The following PTPRN2 variants were observed in gnomAD, a reference collection of about 807,000 sequenced individuals.
PTPRN2 encodes receptor-type tyrosine-protein phosphatase N2.
Under a neutral mutation model 118.8 loss-of-function variants are expected in PTPRN2, and 74 were observed. That is an observed-to-expected ratio of 0.62 (90% CI 0.52 to 0.76). The LOEUF is 0.76. PTPRN2 is among the 30% of genes least tolerant of loss of function. The pLI is 0.00. For synonymous variants in PTPRN2, 641 were observed against 608.0 expected, an observed-to-expected ratio of 1.05 and a Z score of -0.80; for missense variants, 1,481 against 1,394.4, an observed-to-expected ratio of 1.06 and a Z score of -0.99.
chr7:157,687,205 T>A (rs969128628), intron 12 of PTPRN2, among the ~76,000 whole-genome samples: 1 of 152,126 alleles, frequency 6.6e-6, no homozygotes, highest in African/African-American at 2.4e-5. Flanking sequence ...TACGGGAAAA[T>A]GCCTTCAGAA....
intron 5 of PTPRN2, among the ~76,000 whole-genome samples, chr7:158,186,316 T>TG (rs1249029453): frequency 9.2e-5 from 14 of 151,736 alleles, no homozygotes; most frequent in African/African-American, 3.4e-4. Context: ...AGATTTCTCC[T>TG]GGGGCTCACT....
intron 3 of PTPRN2, among the ~76,000 whole-genome samples, chr7:158,300,210 T>C (rs1205032467): frequency 6.6e-6 from 1 of 152,072 alleles, no homozygotes; most frequent in Non-Finnish European, 1.5e-5. Flanking sequence ...GCGGAAATGA[T>C]TGTAATTATG....
At chr7:158,337,198 A>C (rs1311631943) in intron 2 of PTPRN2, among the ~76,000 whole-genome samples, 1 of 152,146 alleles carries the variant, frequency 6.6e-6, no homozygotes, top group East Asian at 1.9e-4. Context: ...CACTCTCACC[A>C]TAAGAGGTGA....
intron 12 of PTPRN2, among the ~76,000 whole-genome samples, chr7:157,818,518 G>C (rs1023929177): frequency 1.3e-5 from 2 of 152,104 alleles, no homozygotes; most frequent in Non-Finnish European, 2.9e-5. Flanking sequence ...GACGTCTCAA[G>C]AGAGGGCGTG....
chr7:157,602,135 C>T (rs918744870), intron 16 of PTPRN2, among the ~76,000 whole-genome samples: 2 of 152,232 alleles, frequency 1.3e-5, no homozygotes, highest in African/African-American at 4.8e-5. Context: ...TCAACCTCTG[C>T]TGGAAGGAAG....
intron 10 of PTPRN2, among the ~76,000 whole-genome samples, chr7:158,101,128 T>G (rs962219218): frequency 2.0e-5 from 3 of 152,102 alleles, no homozygotes; most frequent in Non-Finnish European, 4.4e-5. Context: ...AACTATTCTA[T>G]AAGGCTATAG....
chr7:158,244,928 G>A (rs919294991), intron 3 of PTPRN2, among the ~76,000 whole-genome samples: 49 of 152,176 alleles, frequency 3.2e-4, no homozygotes, highest in South Asian at 2.1e-4. Flanking sequence ...CCAGTGCCCC[G>A]GGGTGGGGGC....
rs939818198 is a variant in PTPRN2 at position 157,779,930 on chromosome 7, A to G, written c.1789-96993T>C. ...GCCGCAAGCAGCCCTCGAGGAATGG[A>G]AAACTCTCAGACTGCTGTGTCCACA... On this transcript the variant is annotated intron_variant, in intron 12 of 22. Coordinates refer to ENST00000389418, the MANE Select transcript of PTPRN2 (RefSeq NM_002847.5). The surrounding 1 kb of genome is among the most constrained non-coding windows in gnomAD (Gnocchi z 4.7). Among the ~76,000 whole-genome samples, 2 of 152,180 alleles carry G rather than the reference A, an allele frequency of 1.3e-5. No individual in the cohort carries two copies. Among genetic ancestry groups the G allele is most frequent in the African/African-American group, 4.8e-5 (2 of 41,448 alleles).
intron 2 of PTPRN2, among the ~76,000 whole-genome samples, chr7:158,434,095 A>G (rs1351685185): frequency 6.6e-6 from 1 of 152,128 alleles, no homozygotes; most frequent in East Asian, 1.9e-4. Flanking sequence ...TGTTTATCTG[A>G]TCAAAACATT....
intron 2 of PTPRN2, among the ~76,000 whole-genome samples, chr7:158,329,044 T>A (rs1415225132): frequency 1.3e-5 from 2 of 151,214 alleles, no homozygotes; most frequent in African/African-American, 2.4e-5. Flanking sequence ...GGGGCCTCCA[T>A]TCCTCCCGCC....
At chr7:157,800,380 T>C (rs1247368515) in intron 12 of PTPRN2, among the ~76,000 whole-genome samples, 4 of 152,324 alleles carry the variant, frequency 2.6e-5, no homozygotes, top group African/African-American at 9.6e-5. Flanking sequence ...CTGTCCCTTC[T>C]CCGCGACAAG....
intron 4 of PTPRN2, among the ~76,000 whole-genome samples, chr7:158,193,625 C>G (rs1316590140): frequency 6.6e-6 from 1 of 152,052 alleles, no homozygotes; most frequent in Non-Finnish European, 1.5e-5. Flanking sequence ...GCGTCTCAGC[C>G]TGGGACACGA....
At position 158,341,723 on chromosome 7, in the gene PTPRN2, T is replaced by C. The variant is rs376907955; in HGVS notation, c.164-24791A>G. Among the ~76,000 whole-genome samples, 375 of 102,708 alleles carry C rather than the reference T, an allele frequency of 3.7e-3. 1 individual carries two copies. The highest frequency in any genetic ancestry group is 7.1e-3 in the African/African-American group (165 of 23,396). 67.4% of individuals were successfully genotyped at this position (102,708 alleles called of 152,430 possible). On this transcript the variant is annotated intron_variant, in intron 2 of 22. Transcript: ENST00000389418. ...CACACCCACACTCTCACCATAGAGC[T>C]GACGCCCGCAGACGTCACTCACACC...
At chr7:157,757,850 G>A (rs1026346201) in intron 12 of PTPRN2, among the ~76,000 whole-genome samples, 14 of 152,318 alleles carry the variant, frequency 9.2e-5, no homozygotes, top group African/African-American at 3.4e-4. Context: ...ACTTAACCTG[G>A]GGCCCCGCGA....
At chr7:158,157,251 G>A (rs1274820032) in intron 6 of PTPRN2, among the ~76,000 whole-genome samples, 2 of 152,384 alleles carry the variant, frequency 1.3e-5, no homozygotes, top group East Asian at 1.9e-4. Flanking sequence ...AACCTCAGGG[G>A]TTGGGCAGTG....
intron 1 of PTPRN2, among the ~76,000 whole-genome samples, chr7:158,522,307 ACTGTCCGGGTAGTGGCTCGGGAGGG>A: frequency 3.2e-5 from 3 of 94,462 alleles, no homozygotes; most frequent in African/African-American, 1.4e-4. Context: ...ACAATGGTGG[ACTGTCCGGGTAGTGGCTCGGGAGGG>A]AGGTCCACGT....
At chr7:158,011,643 A>G (rs1220146738) in intron 11 of PTPRN2, among the ~76,000 whole-genome samples, 1 of 152,206 alleles carries the variant, frequency 6.6e-6, no homozygotes, top group African/African-American at 2.4e-5. Flanking sequence ...AAAGTAGGAA[A>G]CTACACTTTA....
In PTPRN2 at chr7:157,569,961, G is replaced by A. The variant is rs564227917; in HGVS notation, c.2838-995C>T. 2.0e-3 allele frequency among the ~76,000 whole-genome samples: 308 copies of A among 152,346 alleles called. 1 individual carries two copies. Among genetic ancestry groups the A allele is most frequent in the African/African-American group, 7.0e-3 (292 of 41,578 alleles). On this transcript the variant is annotated intron_variant, in intron 20 of 22. Coordinates refer to ENST00000389418, the MANE Select transcript of PTPRN2 (RefSeq NM_002847.5). ...CACTTTCGGTTCTGCTTTCTATGCC[G>A]TCTGTGATCCCAAGAAATGACTGGA...
chr7:157,541,608 A>G (rs903738332), intron 22 of PTPRN2, among the ~76,000 whole-genome samples: 14 of 151,740 alleles, frequency 9.2e-5, no homozygotes, highest in African/African-American at 3.4e-4. Flanking sequence ...GCTATGGAAA[A>G]CTCCAAAGCA....
Sources: allele counts gnomAD v4.1 joint callset (sites outside exome capture counted in the v4.1 genomes callset), GRCh38; gene constraint gnomAD v4.1.1; non-coding constraint Gnocchi (gnomAD v3.1); transcripts MANE v1.5; gene names NCBI Gene and HGNC (gene_info 2026-07-23, HGNC 2026-07-21).